FCHO2: variants seen among roughly 807,000 people sequenced by gnomAD.
FCHO2 encodes FCH and mu domain containing endocytic adaptor 2.
In FCHO2, 43 loss-of-function variants were observed where a neutral mutation model predicts 114.1. The ratio of observed to expected loss-of-function variants is 0.38; its 90% CI spans 0.30 to 0.49. FCHO2 has a LOEUF of 0.49. Among genes scored for constraint, FCHO2 ranks in the 20% least tolerant of loss-of-function variants. The probability of loss-of-function intolerance (pLI) is 0.97; values close to 1 mark genes in which losing one functional copy is unlikely to be tolerated. For synonymous variants in FCHO2, 293 were observed against 315.2 expected (o/e 0.93, Z 0.75); for missense variants, 807 against 950.4 (o/e 0.85, Z 1.98).
intron 19 of FCHO2, 35 bp from the exon 20 acceptor site, chr5:73,074,707 T>G: frequency 6.4e-7 from 1 of 1,565,596 alleles, no homozygotes; most frequent in Non-Finnish European, 8.7e-7. Flanking sequence ...TATGTCTTTC[T>G]GAAGGATTTA....
chr5:72,976,135 T>C (rs527569759), intron 2 of FCHO2, among the ~76,000 whole-genome samples: 23 of 152,322 alleles, frequency 1.5e-4, no homozygotes, highest in Admixed American at 1.4e-3. Context: ...TGCCAGCATT[T>C]GGAGTGGTCA....
At chr5:72,994,622 C>T (rs1187676308) in intron 5 of FCHO2, among the ~76,000 whole-genome samples, 2 of 152,212 alleles carry the variant, frequency 1.3e-5, no homozygotes, top group East Asian at 3.9e-4. Context: ...CCCAGCAGTC[C>T]CATTACTGGA....
Position 73,089,071 on chromosome 5 carries a change from T to C in FCHO2, c.*981T>C, listed in dbSNP as rs1743402645. 6.6e-6 allele frequency: 1 copy of C among 152,528 alleles called. No homozygotes were observed. Among genetic ancestry groups the C allele is most frequent in the Non-Finnish European group, 1.5e-5 (1 of 67,994 alleles). 9.4% of individuals were successfully genotyped at this position (152,528 alleles called of 1,614,324 possible). On this transcript the variant is annotated 3_prime_UTR_variant, in exon 26 of 26. Transcript: ENST00000430046. ...TAAGAATCCTGGCTCACTTCTTTGGTGATACACTGTAGCCACTAGAAAGAG... is the reference window on the plus strand; with the variant it reads ...TAAGAATCCTGGCTCACTTCTTTGGCGATACACTGTAGCCACTAGAAAGAG...
intron 2 of FCHO2, among the ~76,000 whole-genome samples, chr5:72,985,410 C>T (rs1753462152): frequency 6.6e-6 from 1 of 152,142 alleles, no homozygotes; most frequent in South Asian, 2.1e-4. Context: ...GATCCACCCA[C>T]CTCGGCCTCC....
intron 5 of FCHO2, among the ~76,000 whole-genome samples, chr5:72,998,110 A>G (rs1177691871): frequency 6.6e-6 from 1 of 152,310 alleles, no homozygotes; most frequent in Non-Finnish European, 1.5e-5. Context: ...ACAGTAAACA[A>G]TAAGCACATG....
rs575651499 is a variant in FCHO2, at chr5:73,014,415, A to G, written c.601-1211A>G. ...GCGATTCTCCTGCCTCAGCCTGCCA[A>G]GTAGCTGGGATTACAGGCACGCGCC... On this transcript the variant is annotated intron_variant, in intron 6 of 25. Coordinates refer to ENST00000430046, the MANE Select transcript of FCHO2 (RefSeq NM_138782.3). 2.4e-4 allele frequency among the ~76,000 whole-genome samples: 36 copies of G among 151,156 alleles called. 1 individual carries two copies. In the South Asian group the frequency reaches 6.5e-3, roughly 27 times the overall value.
At chr5:73,033,069 A>T (rs1049082653) in intron 8 of FCHO2, among the ~76,000 whole-genome samples, 2 of 152,128 alleles carry the variant, frequency 1.3e-5, no homozygotes, top group African/African-American at 4.8e-5. Flanking sequence ...CCTCTAAGGG[A>T]TTCTAAGAAC....
At position 73,087,698 on chromosome 5, in the gene FCHO2, C is replaced by T. The variant is rs200254048; in HGVS notation, c.2355C>T (p.Phe785=). Residue 785 remains phenylalanine (F), a synonymous_variant, in exon 25 of 26, where the codon TTC becomes TTT. Transcript: ENST00000430046. ...SEGSTLSGVD[F]ELVGTGYRLS... ...GAAGTACCCTTTCAGGAGTAGATTT[C>T]GAACTTGTGGGCACTGGCTATAGGC... 199 of 1,613,200 alleles carry T rather than the reference C, an allele frequency of 1.2e-4. No individual in the cohort carries two copies. The Middle Eastern group carries it at 5.1e-3, about 42-fold the overall frequency.
At chr5:73,010,746 G>A (rs144661511) in intron 6 of FCHO2, among the ~76,000 whole-genome samples, 1,862 of 151,882 alleles carry the variant, frequency 0.012, 19 homozygotes, top group Middle Eastern at 0.017. Flanking sequence ...GTGTGGTGGT[G>A]CACGCCTATA....
chr5:73,050,128 C>T (rs1455100152), intron 11 of FCHO2, among the ~76,000 whole-genome samples: 1 of 152,026 alleles, frequency 6.6e-6, no homozygotes, highest in African/African-American at 2.4e-5. Flanking sequence ...AATATCATCA[C>T]ATCTAGAAAT....
At chr5:73,018,579 A>G (rs1755439310) in intron 8 of FCHO2, among the ~76,000 whole-genome samples, 1 of 151,722 alleles carries the variant, frequency 6.6e-6, no homozygotes, top group Non-Finnish European at 1.5e-5. Flanking sequence ...TTAATGGAAC[A>G]ATAAGGCACA....
At chr5:73,012,617 C>CAAA (rs11358269) in intron 6 of FCHO2, among the ~76,000 whole-genome samples, 2 of 92,504 alleles carry the variant, frequency 2.2e-5, no homozygotes, top group African/African-American at 7.8e-5. Flanking sequence ...GACTCCGTCT[C>CAAA]AAAAAAAAAA....
In FCHO2 at chr5:73,000,551, G is replaced by A. The variant is rs183028333; in HGVS notation, c.496-5894G>A. Among the ~76,000 whole-genome samples, 617 of 151,304 alleles carry A rather than the reference G, an allele frequency of 4.1e-3. 3 individuals carry two copies. The highest frequency in any genetic ancestry group is 0.014 in the African/African-American group (586 of 41,240). ...AGCACTTTAGGAGGCCAAAGCGGGC[G>A]GATCACTTGAGATTGGGAGTTTGAG... On this transcript the variant is annotated intron_variant, in intron 5 of 25. Coordinates refer to ENST00000430046, the MANE Select transcript of FCHO2 (RefSeq NM_138782.3).
intron 2 of FCHO2, among the ~76,000 whole-genome samples, chr5:72,972,211 A>G (rs1172113088): frequency 6.6e-6 from 1 of 151,808 alleles, no homozygotes; most frequent in African/African-American, 2.4e-5. Context: ...TATGAACTTT[A>G]AAGTAGTTTT....
chr5:73,032,378 G>A (rs527757694), intron 8 of FCHO2, among the ~76,000 whole-genome samples: 19 of 152,162 alleles, frequency 1.2e-4, no homozygotes, highest in African/African-American at 4.3e-4. Context: ...CTTTCAAAAT[G>A]TGTTTTTTTT....
At chr5:73,022,422 A>T in intron 8 of FCHO2, among the ~76,000 whole-genome samples, 1 of 151,320 alleles carries the variant, frequency 6.6e-6, no homozygotes, top group African/African-American at 2.4e-5. Context: ...AATTTTTCCC[A>T]CTCTGCTTTG....
At chr5:73,068,549 A>G (rs1561491240) in intron 18 of FCHO2, 101 bp from the exon 19 acceptor site, 5 of 1,223,050 alleles carry the variant, frequency 4.1e-6, no homozygotes, top group Non-Finnish European at 5.7e-6. Context: ...CTCACACAGT[A>G]AATTTGGTTT....
At chr5:73,036,564 CAG>C (rs1035028540) in intron 9 of FCHO2, among the ~76,000 whole-genome samples, 7 of 151,740 alleles carry the variant, frequency 4.6e-5, no homozygotes, top group African/African-American at 1.7e-4. Flanking sequence ...TTTGTAGAGA[CAG>C]GGTTTCACCA....
intron 2 of FCHO2, among the ~76,000 whole-genome samples, chr5:72,976,951 T>C (rs1010672582): frequency 1.3e-5 from 2 of 152,312 alleles, no homozygotes; most frequent in East Asian, 1.9e-4. Context: ...GCAAAGGACA[T>C]GAACTCATGC....
Sources: allele counts gnomAD v4.1 joint callset (sites outside exome capture counted in the v4.1 genomes callset), GRCh38; gene constraint gnomAD v4.1.1; transcripts MANE v1.5; gene names NCBI Gene and HGNC (gene_info 2026-07-23, HGNC 2026-07-21).